Variants in WASF3 observed in about 807,000 individuals in gnomAD.
WASF3 encodes the protein actin-binding protein WASF3.
WASF3 carries 11 observed loss-of-function variants against 46.6 expected under a neutral mutation model. The observed-to-expected ratio is 0.24, with a 90% CI of 0.15 to 0.39. WASF3 has a LOEUF of 0.39. Among genes scored for constraint, WASF3 ranks in the 10% least tolerant of loss-of-function variants. The probability of loss-of-function intolerance (pLI) is 1.00; values close to 1 mark genes in which losing one functional copy is unlikely to be tolerated. For missense variants in WASF3, 576 were observed against 669.8 expected, an observed-to-expected ratio of 0.86 and a Z score of 1.55; for synonymous variants, 242 against 259.7, an observed-to-expected ratio of 0.93 and a Z score of 0.65.
intron 6 of WASF3, among the ~76,000 whole-genome samples, chr13:26,675,772 T>G (rs891949728): frequency 9.2e-5 from 14 of 151,988 alleles, no homozygotes; most frequent in Non-Finnish European, 1.8e-4. Context: ...TTAGCCAGCA[T>G]GTATTGAGTG....
At chr13:26,541,535 G>T in the WASF3 span, among the ~76,000 whole-genome samples, 58,816 of 151,716 alleles carry the variant, frequency 0.39, 11,649 homozygotes, top group South Asian at 0.49. Flanking sequence ...AGCAGTGTTA[G>T]TTATTATAGG....
chr13:26,597,486 T>G (rs1336783978), intron 1 of WASF3, among the ~76,000 whole-genome samples: 2 of 149,886 alleles, frequency 1.3e-5, no homozygotes, highest in Non-Finnish European at 1.5e-5. Flanking sequence ...GTTTTAGTCT[T>G]TTTTTTTTAT....
chr13:26,556,272 C>A (rs1410060442), upstream of WASF3, among the ~76,000 whole-genome samples: 1 of 152,164 alleles, frequency 6.6e-6, no homozygotes, highest in African/African-American at 2.4e-5. Flanking sequence ...ACCTTGAAAA[C>A]ACTCTGGGTA....
chr13:26,681,447 A>T (rs1268879247), intron 8 of WASF3, 127 bp downstream of exon 8: 1 of 1,144,850 alleles, frequency 8.7e-7, no homozygotes, highest in Non-Finnish European at 1.2e-6. Flanking sequence ...CTGGATGTAG[A>T]TACTAGCAAC....
At chr13:26,661,678 CCA>C (rs1350356271) in intron 3 of WASF3, among the ~76,000 whole-genome samples, 2 of 152,186 alleles carry the variant, frequency 1.3e-5, no homozygotes. Context: ...GGGGGAACCA[CCA>C]CACAGTTTTC....
At chr13:26,636,391 GC>G (rs1881821584) in intron 2 of WASF3, among the ~76,000 whole-genome samples, 1 of 152,194 alleles carries the variant, frequency 6.6e-6, no homozygotes, top group Non-Finnish European at 1.5e-5. Context: ...GGGCGGAAGT[GC>G]CCTGTTTTTC....
chr13:26,636,624 G>A (rs985077405), intron 2 of WASF3, among the ~76,000 whole-genome samples: 1 of 152,244 alleles, frequency 6.6e-6, no homozygotes, highest in African/African-American at 2.4e-5. Context: ...GCAGACCAGA[G>A]CTGTTCCTAT....
At chr13:26,665,188 G>A in intron 4 of WASF3, 26 bp downstream of exon 4, 2 of 1,610,144 alleles carry the variant, frequency 1.2e-6, no homozygotes, top group Middle Eastern at 1.7e-4. Context: ...AAAGCAGTGA[G>A]CTAGAAGTGA....
intron 1 of WASF3, among the ~76,000 whole-genome samples, chr13:26,587,979 C>T (rs151204377): frequency 0.016 from 2,385 of 152,130 alleles, 23 homozygotes; most frequent in Non-Finnish European, 0.024. Context: ...AAATCCAAAA[C>T]CAAATCCTAA....
At chr13:26,540,497 G>C in the WASF3 span, among the ~76,000 whole-genome samples, 2 of 152,098 alleles carry the variant, frequency 1.3e-5, no homozygotes, top group Non-Finnish European at 2.9e-5. Flanking sequence ...GGACTCCCTA[G>C]GGTGGCCTGC....
chr13:26,668,053 G>C (rs1476949698), intron 5 of WASF3, among the ~76,000 whole-genome samples: 1 of 152,036 alleles, frequency 6.6e-6, no homozygotes, highest in South Asian at 2.1e-4. Flanking sequence ...CAAAATACCT[G>C]TTTCAGCACT....
intron 7 of WASF3, among the ~76,000 whole-genome samples, chr13:26,678,286 A>G (rs1883124571): frequency 6.6e-6 from 1 of 151,986 alleles, no homozygotes; most frequent in Non-Finnish European, 1.5e-5. Context: ...ACAGTGTGTC[A>G]CTTTTTTATT....
intron 4 of WASF3, among the ~76,000 whole-genome samples, chr13:26,665,680 A>G (rs1882749765): frequency 6.6e-6 from 1 of 152,212 alleles, no homozygotes; most frequent in Non-Finnish European, 1.5e-5. Flanking sequence ...CTTTAAAATA[A>G]TGTTAATGTC....
At chr13:26,647,040 C>G (rs772058677) in intron 3 of WASF3, among the ~76,000 whole-genome samples, 4 of 152,198 alleles carry the variant, frequency 2.6e-5, no homozygotes, top group Non-Finnish European at 5.9e-5. Flanking sequence ...TATGCTCTTA[C>G]TACATCCAAA....
At chr13:26,664,977 G>A (rs559628880) in intron 3 of WASF3, 51 bp from the exon 4 acceptor site, 9 of 1,595,784 alleles carry the variant, frequency 5.6e-6, no homozygotes, top group Admixed American at 3.3e-5. Context: ...TGTGAGGGCC[G>A]CTTCATCAGC....
chr13:26,557,859 G>T, intron 1 of WASF3, 40 bp downstream of exon 1: 2 of 300,472 alleles, frequency 6.7e-6, no homozygotes, highest in East Asian at 1.1e-4. Flanking sequence ...TCCGCTGTAG[G>T]CTGCTGTGGC....
At chr13:26,598,301 T>C (rs1446553861) in intron 1 of WASF3, among the ~76,000 whole-genome samples, 1 of 152,182 alleles carries the variant, frequency 6.6e-6, no homozygotes, top group African/African-American at 2.4e-5. Context: ...TTGCCCACTT[T>C]TTGATGGGGT....
At chr13:26,671,195 A>G (rs1882916274) in intron 5 of WASF3, among the ~76,000 whole-genome samples, 1 of 152,214 alleles carries the variant, frequency 6.6e-6, no homozygotes, top group Non-Finnish European at 1.5e-5. Flanking sequence ...CATTGGTTTT[A>G]TGATAAATGA....
At chr13:26,584,622 T>A (rs1326955743) in intron 1 of WASF3, among the ~76,000 whole-genome samples, 1 of 152,216 alleles carries the variant, frequency 6.6e-6, no homozygotes, top group African/African-American at 2.4e-5. Context: ...AGGTAAAAGA[T>A]GATTTGTCTT....
Sources: gnomAD v4.1 joint callset for allele counts (sites outside exome capture counted in the v4.1 genomes callset) on GRCh38, gnomAD v4.1.1 for gene constraint, MANE v1.5 for transcripts, NCBI Gene and HGNC (gene_info 2026-07-23, HGNC 2026-07-21) for gene names.